The following PCDHGB3 variants were observed in gnomAD, a reference collection of about 807,000 sequenced individuals.
PCDHGB3 encodes the protein protocadherin gamma subfamily B, 3.
A neutral mutation model predicts 59.2 loss-of-function variants in PCDHGB3; 40 were observed. That is an observed-to-expected ratio of 0.68 (90% confidence interval 0.52 to 0.88). The LOEUF (loss-of-function observed/expected upper bound fraction) is 0.88, where lower values mean the gene tolerates loss of function less well. PCDHGB3 is among the 40% of genes least tolerant of loss of function. The pLI is 0.00. For synonymous variants in PCDHGB3, 581 were observed against 503.6 expected, an observed-to-expected ratio of 1.15 and a Z score of -2.06; for missense variants, 1,309 against 1,187.9, an observed-to-expected ratio of 1.10 and a Z score of -1.50.
chr5:141,458,509 CTTTGT>C (rs1181745590), intron 1 of PCDHGB3, among the ~76,000 whole-genome samples: 1 of 149,986 alleles, frequency 6.7e-6, no homozygotes, highest in Non-Finnish European at 1.5e-5. Context: ...CTGTTTGACA[CTTTGT>C]TTTTTTTTTT....
intron 1 of PCDHGB3, chr5:141,405,447 T>C (rs2094668355): frequency 7.5e-7 from 1 of 1,339,134 alleles, no homozygotes; most frequent in South Asian, 1.3e-5. Flanking sequence ...TGAGACAGAG[T>C]CTTACTCTGT....
chr5:141,455,983 C>T (rs542017964), intron 1 of PCDHGB3, among the ~76,000 whole-genome samples: 23 of 151,546 alleles, frequency 1.5e-4, no homozygotes, highest in African/African-American at 5.1e-4. Context: ...CTGCAAGCTC[C>T]GCCTCTCGGG....
chr5:141,436,118 T>C (rs188307595), intron 1 of PCDHGB3, among the ~76,000 whole-genome samples: 5 of 152,310 alleles, frequency 3.3e-5, no homozygotes, highest in Admixed American at 2.0e-4. Flanking sequence ...ATGAAACCTC[T>C]CTCCTCCATC....
At position 141,409,225 on chromosome 5, in the gene PCDHGB3, C is replaced by T. The variant is rs781617309; in HGVS notation, c.2415+36416C>T. 59 of 1,613,878 alleles carry T rather than the reference C, an allele frequency of 3.7e-5. 2 individuals carry two copies. The East Asian group carries it at 1.1e-3, about 30-fold the overall frequency. On this transcript the variant is annotated intron_variant, in intron 1 of 3. Coordinates refer to ENST00000576222, the MANE Select transcript of PCDHGB3 (RefSeq NM_018924.5). ...TAATCATAGAAATCCTTGATGAAAA[C>T]GACAACAGCCCAGAAATAATCATCA...
chr5:141,374,683 G>A (rs757439486), intron 1 of PCDHGB3: 3 of 1,609,586 alleles, frequency 1.9e-6, no homozygotes, highest in South Asian at 2.2e-5. Flanking sequence ...AGGGCACACT[G>A]GACCGGGAAG....
intron 1 of PCDHGB3, among the ~76,000 whole-genome samples, chr5:141,386,802 A>T (rs1262742441): frequency 6.6e-6 from 1 of 152,248 alleles, no homozygotes; most frequent in East Asian, 1.9e-4. Context: ...AAAATTTATT[A>T]GATGCATAAA....
At chr5:141,444,129 T>C (rs897901109) in intron 1 of PCDHGB3, among the ~76,000 whole-genome samples, 3 of 147,096 alleles carry the variant, frequency 2.0e-5, no homozygotes, top group African/African-American at 5.0e-5. Context: ...TCTCAACAGA[T>C]ATGTGTCACT....
rs143530538 is a variant in PCDHGB3 at position 141,490,323 on chromosome 5, G to A, written c.2416-4484G>A. 18 of 1,614,102 alleles carry A rather than the reference G, an allele frequency of 1.1e-5. No individual in the cohort carries two copies. Among genetic ancestry groups the A allele is most frequent in the Non-Finnish European group, 1.4e-5 (17 of 1,180,056 alleles). ...CCTCTTTGGCCAACCCTGTCCTAGA[G>A]AGCACACCAGTGGGCACAGTAGTGG... On this transcript the variant is annotated intron_variant, in intron 1 of 3. Transcript: ENST00000576222. This position sits in a 1 kb window ranked among gnomAD's most constrained non-coding sequence, Gnocchi z 5.4.
intron 1 of PCDHGB3, chr5:141,421,487 C>A (rs1447180364): frequency 6.2e-7 from 1 of 1,613,976 alleles, no homozygotes; most frequent in East Asian, 2.2e-5. Context: ...AGCTTGATCA[C>A]GGCAGGCAGG....
At chr5:141,417,958 C>T (rs1255501304) in intron 1 of PCDHGB3, 3 of 1,613,720 alleles carry the variant, frequency 1.9e-6, no homozygotes, top group South Asian at 2.2e-5. Context: ...GTGAGCCGAT[C>T]CGCTACTCGA....
chr5:141,375,981 T>A, intron 1 of PCDHGB3: 1 of 1,613,410 alleles, frequency 6.2e-7, no homozygotes, highest in Non-Finnish European at 8.5e-7. Flanking sequence ...CGCGCCCTGC[T>A]GGACAGAGAC....
intron 1 of PCDHGB3, chr5:141,376,901 A>G: frequency 5.2e-6 from 1 of 191,460 alleles, no homozygotes. Context: ...GTTAGCCAGG[A>G]TGGTCTCGAT....
chr5:141,384,928 A>G (rs1780667479), intron 1 of PCDHGB3: 3 of 1,614,014 alleles, frequency 1.9e-6, no homozygotes, highest in Non-Finnish European at 2.5e-6. Context: ...CGACCTGGGC[A>G]GCCTTGAGCC....
Position 141,431,145 on chromosome 5 carries a change from A to G in PCDHGB3, c.2415+58336A>G. The G allele has an allele frequency of 1.2e-6, 2 of 1,614,244 alleles. No homozygotes were observed. Among genetic ancestry groups the G allele is most frequent in the Non-Finnish European group, 1.7e-6 (2 of 1,180,042 alleles). On this transcript the variant is annotated intron_variant, in intron 1 of 3. Transcript: ENST00000576222. The surrounding 1 kb of genome is among the most constrained non-coding windows in gnomAD (Gnocchi z 4.8). ...GTAGAAGTAAGGGACATTAACGACA[A>G]TGCGCCTTACTTTCGTGAAAGTGAA... is the stretch of plus-strand genomic sequence containing the variant.
chr5:141,393,103 C>A lies in PCDHGB3; in HGVS notation c.2415+20294C>A, dbSNP rs776552182. On this transcript the variant is annotated intron_variant, in intron 1 of 3. Coordinates refer to ENST00000576222, the MANE Select transcript of PCDHGB3 (RefSeq NM_018924.5). ...AGGATAGATCGGGAGGAGCTCTGCGCTCAGAGCCCGCGGTGTCTGATAAAT... is the reference window on the plus strand; with the variant it reads ...AGGATAGATCGGGAGGAGCTCTGCGATCAGAGCCCGCGGTGTCTGATAAAT... The A allele has an allele frequency of 3.2e-5, 51 of 1,613,464 alleles. No homozygotes were observed. Among genetic ancestry groups the A allele is most frequent in the South Asian group, 1.5e-4 (14 of 91,088 alleles).
intron 3 of PCDHGB3, 85 bp from the exon 4 acceptor site, chr5:141,510,862 C>A: frequency 6.2e-7 from 1 of 1,606,772 alleles, no homozygotes. Context: ...GCTGTATAGG[C>A]ATTCATTAAC....
At position 141,422,330 on chromosome 5, in the gene PCDHGB3, C is replaced by T. The variant is rs200342957; in HGVS notation, c.2415+49521C>T. 1,454 of 1,548,164 alleles carry T rather than the reference C, an allele frequency of 9.4e-4. 3 individuals carry two copies. The highest frequency in any genetic ancestry group is 7.9e-4 in the Non-Finnish European group (910 of 1,153,526). On this transcript the variant is annotated intron_variant, in intron 1 of 3. Transcript: ENST00000576222. The stretch of plus-strand genomic sequence containing the variant: ...AACTCTCCTCCAGGTACAGTGATTG[C>T]TCTTCTAAATGTGCAAGATCAAGAT...
In PCDHGB3 at chr5:141,431,135, A is replaced by T. The variant is rs140069213; in HGVS notation, c.2415+58326A>T. On this transcript the variant is annotated intron_variant, in intron 1 of 3. Transcript: ENST00000576222. This position sits in a 1 kb window ranked among gnomAD's most constrained non-coding sequence, Gnocchi z 4.8. ...TGGAGTAGAAGTAGAAGTAAGGGAC[A>T]TTAACGACAATGCGCCTTACTTTCG... 1 of 1,614,266 alleles carries T rather than the reference A, an allele frequency of 6.2e-7. No homozygotes were observed. Among genetic ancestry groups the T allele is most frequent in the African/African-American group, 1.3e-5 (1 of 75,078 alleles).
At position 141,487,179 on chromosome 5, in the gene PCDHGB3, C is replaced by T. The variant is rs768886732; in HGVS notation, c.2416-7628C>T. Reference sequence around the variant, plus strand: ...CTCTTAGTGTCCTTAGAGGAAGACACTCATCCAGTTGTCCCAGATCTTCGA... The same window carrying T: ...CTCTTAGTGTCCTTAGAGGAAGACATTCATCCAGTTGTCCCAGATCTTCGA... On this transcript the variant is annotated intron_variant, in intron 1 of 3. Transcript: ENST00000576222. This position sits in a 1 kb window ranked among gnomAD's most constrained non-coding sequence, Gnocchi z 5.0. 6.2e-6 allele frequency: 10 copies of T among 1,613,474 alleles called. No individual in the cohort carries two copies. Among genetic ancestry groups the T allele is most frequent in the Non-Finnish European group, 6.8e-6 (8 of 1,179,370 alleles).
Sources: allele counts gnomAD v4.1 joint callset (sites outside exome capture counted in the v4.1 genomes callset), GRCh38; gene constraint gnomAD v4.1.1; non-coding constraint Gnocchi (gnomAD v3.1); transcripts MANE v1.5; gene names NCBI Gene and HGNC (gene_info 2026-07-23, HGNC 2026-07-21).